NEBL: variants seen among roughly 807,000 people sequenced by gnomAD.
NEBL encodes nebulette, also known as LIM and SH3 protein 2.
Under a neutral mutation model 140.2 loss-of-function variants are expected in NEBL, and 122 were observed. That is an observed-to-expected ratio of 0.87 (90% CI 0.75 to 1.01). The LOEUF is 1.01. Ranked by LOEUF, NEBL falls within the 50% of genes least tolerant of loss-of-function variation. The probability of loss-of-function intolerance (pLI) is 0.00; values close to 1 mark genes in which losing one functional copy is unlikely to be tolerated. For synonymous variants in NEBL, 436 were observed against 398.9 expected, an observed-to-expected ratio of 1.09 and a Z score of -1.11; for missense variants, 1,365 against 1,231.3, an observed-to-expected ratio of 1.11 and a Z score of -1.62.
At chr10:20,965,789 C>T (rs1371894580) in intron 3 of NEBL, among the ~76,000 whole-genome samples, 1 of 152,182 alleles carries the variant, frequency 6.6e-6, no homozygotes, top group Non-Finnish European at 1.5e-5. Context: ...CCCAGTCAGC[C>T]ACTGTCAGAG....
chr10:21,122,119 A>G (rs1273579723), intron 2 of NEBL, among the ~76,000 whole-genome samples: 2 of 151,894 alleles, frequency 1.3e-5, no homozygotes, highest in African/African-American at 4.8e-5. Context: ...TCCACCTCCC[A>G]GGTTCAAGCA....
chr10:21,030,794 T>A, intron 2 of NEBL: 1 of 375,876 alleles, frequency 2.7e-6, no homozygotes. Flanking sequence ...CCTGAGCCAA[T>A]ATGTGAAATA....
intron 2 of NEBL, among the ~76,000 whole-genome samples, chr10:21,143,649 A>G (rs1839753153): frequency 6.6e-6 from 1 of 152,038 alleles, no homozygotes; most frequent in Admixed American, 6.5e-5. Flanking sequence ...GAGGACCCCA[A>G]ATTCTAGTCT....
intron 19 of NEBL, among the ~76,000 whole-genome samples, chr10:20,819,947 T>C (rs1839133834): frequency 6.6e-6 from 1 of 152,176 alleles, no homozygotes; most frequent in Admixed American, 6.6e-5. Context: ...ATATTATTTA[T>C]TGGTGGCCTC....
chr10:21,066,971 CTTTT>C (rs56352671), intron 2 of NEBL, among the ~76,000 whole-genome samples: 1 of 112,832 alleles, frequency 8.9e-6, no homozygotes, highest in Admixed American at 1.1e-4. Context: ...AATAATTTAA[CTTTT>C]TTTTTTTTTT....
intron 2 of NEBL, chr10:21,069,942 T>TCATG (rs1290880568): frequency 2.2e-6 from 1 of 455,694 alleles, no homozygotes; most frequent in Admixed American, 2.4e-5. Context: ...ATATCCCCTA[T>TCATG]CATGTACTTA....
At chr10:21,262,191 A>G (rs1842747563) in intron 1 of NEBL, among the ~76,000 whole-genome samples, 2 of 152,240 alleles carry the variant, frequency 1.3e-5, no homozygotes, top group Non-Finnish European at 2.9e-5. Flanking sequence ...GGCTGTCACT[A>G]TGGAAACGGC....
rs180911754 is a variant in NEBL, at chr10:20,846,612, T to C, written c.1117-1244A>G. 2.6e-5 allele frequency among the ~76,000 whole-genome samples: 4 copies of C among 152,244 alleles called. No homozygotes were observed. The East Asian group carries it at 7.7e-4, about 29-fold the overall frequency. Reference sequence around the variant, plus strand: ...ATGACCAAAAACAACGACTAGAAACTTTCCTCTTCCTTATGTGGAATTAGT... The same window carrying C: ...ATGACCAAAAACAACGACTAGAAACCTTCCTCTTCCTTATGTGGAATTAGT... On this transcript the variant is annotated intron_variant, in intron 11 of 27. Coordinates refer to ENST00000377122, the MANE Select transcript of NEBL (RefSeq NM_006393.3).
chr10:21,179,143 AG>A (rs1424680633), upstream of NEBL, among the ~76,000 whole-genome samples: 6 of 152,160 alleles, frequency 3.9e-5, no homozygotes, highest in Non-Finnish European at 5.9e-5. Flanking sequence ...GGAAGAAGGG[AG>A]GGGGAGAAAC....
At chr10:21,234,463 G>A (rs1287458920) in intron 3 of NEBL, among the ~76,000 whole-genome samples, 1 of 152,088 alleles carries the variant, frequency 6.6e-6, no homozygotes, top group Non-Finnish European at 1.5e-5. Flanking sequence ...GCTCCCTGTG[G>A]TCTCACCAGA....
intron 3 of NEBL, among the ~76,000 whole-genome samples, chr10:21,246,688 A>G (rs574019440): frequency 1.2e-4 from 18 of 151,882 alleles, no homozygotes; most frequent in South Asian, 2.1e-4. Flanking sequence ...TAAAAAAATC[A>G]TCGAGCGTGG....
At chr10:20,819,537 C>G (rs566104456) in intron 19 of NEBL, 21 bp from the exon 20 acceptor site, 2 of 1,613,596 alleles carry the variant, frequency 1.2e-6, no homozygotes, top group Non-Finnish European at 1.7e-6. Context: ...AGGTGCAAGA[C>G]AGTTTGAGAT....
At chr10:21,151,754 T>G (rs577847707) in intron 2 of NEBL, among the ~76,000 whole-genome samples, 1 of 152,266 alleles carries the variant, frequency 6.6e-6, no homozygotes, top group East Asian at 1.9e-4. Context: ...TATACCAGGT[T>G]TTGCTCCAAT....
chr10:20,863,375 A>T (rs746449983), intron 7 of NEBL, among the ~76,000 whole-genome samples: 1 of 152,194 alleles, frequency 6.6e-6, no homozygotes, highest in African/African-American at 2.4e-5. Context: ...TTAGCAAAGA[A>T]ATAGCTTGAT....
chr10:20,880,825 T>A lies in NEBL; in HGVS notation c.449A>T (p.His150Leu). ...AHMKEPPEVK[H>L]AMEVNKHQSN... ...CTGGTGTTTATTGACCTCCATGGCA[T>A]GTTTAACCTCAGGGGGCTCCTTCAT... Residue 150 changes from histidine to leucine, a missense_variant, in exon 5 of 28, where the codon CAT becomes CTT. His to Leu is a moderately conservative substitution (Grantham distance 99). Around this residue, in one of 2 missense-constraint regions of NEBL, gnomAD observed 1,323 missense variants for 1,154.8 expected, o/e 1.15. Coordinates refer to ENST00000377122, the MANE Select transcript of NEBL (RefSeq NM_006393.3). 6.2e-7 allele frequency: 1 copy of A among 1,614,074 alleles called. No homozygotes were observed. The highest frequency in any genetic ancestry group is 8.5e-7 in the Non-Finnish European group (1 of 1,179,940).
At position 21,078,607 on chromosome 10, in the gene NEBL, G is replaced by T. The variant is rs548974286; in HGVS notation, c.165-58406C>A. On this transcript the variant is annotated intron_variant, in intron 2 of 6. Coordinates refer to the NEBL transcript ENST00000417816. ...ATGACCTGTATACACGTATGCAGAG[G>T]TATCTACTCCTATGACCTGCTCATT... is the stretch of plus-strand genomic sequence containing the variant. Among the ~76,000 whole-genome samples the T allele has an allele frequency of 2.0e-5, 3 of 152,220 alleles. No individual in the cohort carries two copies. In the East Asian group the frequency reaches 5.8e-4, roughly 29 times the overall value.
intron 2 of NEBL, chr10:21,125,649 G>T (rs766038886): frequency 4.0e-5 from 20 of 506,110 alleles, no homozygotes; most frequent in Non-Finnish European, 6.3e-5. Flanking sequence ...ATCAAAAATA[G>T]TTTGATGGAT....
intron 2 of NEBL, among the ~76,000 whole-genome samples, chr10:21,111,936 A>C (rs985095612): frequency 2.0e-5 from 3 of 152,260 alleles, no homozygotes; most frequent in African/African-American, 7.2e-5. Context: ...AAAGGATATG[A>C]ACAAACACTT....
chr10:21,097,246 G>T (rs1330842601), intron 2 of NEBL, among the ~76,000 whole-genome samples: 1 of 148,690 alleles, frequency 6.7e-6, no homozygotes, highest in Non-Finnish European at 1.5e-5. Context: ...AGATCACAAG[G>T]TCAGGGGTTC....
Sources: gnomAD v4.1 joint callset for allele counts (sites outside exome capture counted in the v4.1 genomes callset) on GRCh38, gnomAD v4.1.1 for gene constraint, gnomAD v4.1.1 regional missense constraint, MANE v1.5 for transcripts, NCBI Gene and HGNC (gene_info 2026-07-23, HGNC 2026-07-21) for gene names.